The following ASB14 variants were observed in gnomAD, a reference collection of about 807,000 sequenced individuals.
ASB14 encodes the protein ankyrin repeat and SOCS box protein 14.
In ASB14, 63 loss-of-function variants were observed where a neutral mutation model predicts 55.6. That is an observed-to-expected ratio of 1.13 (90% CI 0.92 to 1.40). ASB14 has a LOEUF of 1.40. Among genes scored for constraint, ASB14 ranks in the 40% most tolerant of loss-of-function variants. The pLI is 0.00. For synonymous variants in ASB14, 256 were observed against 259.9 expected (o/e 0.98, Z 0.15); for missense variants, 724 against 710.4 (o/e 1.02, Z -0.22).
intron 6 of ASB14, among the ~76,000 whole-genome samples, chr3:57,282,715 T>C (rs2061049303): frequency 6.6e-6 from 1 of 152,210 alleles, no homozygotes; most frequent in African/African-American, 2.4e-5. Context: ...TTTAAGTTGC[T>C]TTCCCCTTCC....
chr3:57,284,088 C>CTGTGTG (rs1181255575), intron 5 of ASB14, among the ~76,000 whole-genome samples: 51 of 41,386 alleles, frequency 1.2e-3, no homozygotes, highest in South Asian at 4.6e-3. Context: ...CTTGGGAACA[C>CTGTGTG]TGTGTATGTG....
intron 5 of ASB14, among the ~76,000 whole-genome samples, chr3:57,287,465 C>A (rs1463371530): frequency 1.3e-5 from 2 of 152,116 alleles, no homozygotes; most frequent in Admixed American, 6.6e-5. Flanking sequence ...CCTAAAATTC[C>A]GTGGTCCAGA....
chr3:57,291,900 G>GA lies in ASB14; in HGVS notation c.122+11dup, dbSNP rs1466617480. ...ACACTTAATACTATATTGCCGATGA[G>GA]AAAACCATTACCTCTCATCCTTAGG... On this transcript the variant is annotated intron_variant, in intron 2 of 10. Coordinates refer to ENST00000487349, the MANE Select transcript of ASB14 (RefSeq NM_001142733.3). 1 of 1,526,428 alleles carries GA rather than the reference G, an allele frequency of 6.6e-7. No homozygotes were observed. Among genetic ancestry groups the GA allele is most frequent in the East Asian group, 2.5e-5 (1 of 40,776 alleles). The allele number at this position is 1,526,428 out of a possible 1,614,324, so 94.6% of individuals were successfully genotyped here.
At chr3:57,270,749 A>G (rs2060931960) in intron 10 of ASB14, 1 of 152,418 alleles carries the variant, frequency 6.6e-6, no homozygotes, top group African/African-American at 2.4e-5. Context: ...CAAATAACTA[A>G]TGTATGATAA....
At position 57,268,959 on chromosome 3, in the gene ASB14, G is replaced by A. The variant is rs1455708894; in HGVS notation, c.*682C>T. The A allele has an allele frequency of 6.5e-6, 1 of 152,920 alleles. No homozygotes were observed. The highest frequency in any genetic ancestry group is 1.5e-5 in the Non-Finnish European group (1 of 68,608). The allele number at this position is 152,920 out of a possible 1,614,324, so 9.5% of individuals were successfully genotyped here. A position where few individuals can be genotyped will look rare whatever the true frequency, so the allele number is the denominator to read the frequency against. On this transcript the variant is annotated 3_prime_UTR_variant, in exon 11 of 11. Coordinates refer to ENST00000487349, the MANE Select transcript of ASB14 (RefSeq NM_001142733.3). Reference sequence around the variant, plus strand: ...GCAAAACTTGAAGAATGCATTAAATGATCCATGAAATTGTAAGAGCGTGTT... The same window carrying A: ...GCAAAACTTGAAGAATGCATTAAATAATCCATGAAATTGTAAGAGCGTGTT...
At position 57,268,387 on chromosome 3, in the gene ASB14, C is replaced by T; in HGVS notation, c.*1254G>A. On this transcript the variant is annotated 3_prime_UTR_variant, in exon 11 of 11. Coordinates refer to ENST00000487349, the MANE Select transcript of ASB14 (RefSeq NM_001142733.3). ...TATTTAATTCATTAGTTTTATTCAT[C>T]TGTTCTTTAGGATCGTAGGGCATCA... The T allele has an allele frequency of 6.5e-7, 1 of 1,530,538 alleles. No homozygotes were observed. The highest frequency in any genetic ancestry group is 8.9e-7 in the Non-Finnish European group (1 of 1,123,270). 94.8% of individuals were successfully genotyped at this position (1,530,538 alleles called of 1,614,324 possible). A position where few individuals can be genotyped will look rare whatever the true frequency, so the allele number is the denominator to read the frequency against.
At chr3:57,287,542 C>G (rs1018072583) in intron 5 of ASB14, among the ~76,000 whole-genome samples, 2 of 152,204 alleles carry the variant, frequency 1.3e-5, no homozygotes, top group Non-Finnish European at 2.9e-5. Context: ...CAGGAATGAT[C>G]TAGAGATCTG....
rs901630712 is a variant in ASB14 at position 57,288,294 on chromosome 3, C to T, written c.179-8G>A. The T allele has an allele frequency of 3.3e-6, 5 of 1,536,774 alleles. No individual in the cohort carries two copies. Among genetic ancestry groups the T allele is most frequent in the Non-Finnish European group, 2.6e-6 (3 of 1,146,646 alleles). The stretch of plus-strand genomic sequence containing the variant: ...ACAATGCATCTTCCTTACCTATTAA[C>T]GAGTCAAATGAGAACAGATTCACAT... On this transcript the variant is annotated splice_region_variant and splice_polypyrimidine_tract_variant and intron_variant, in intron 3 of 10. Coordinates refer to ENST00000487349, the MANE Select transcript of ASB14 (RefSeq NM_001142733.3).
intron 7 of ASB14, 116 bp downstream of exon 7, chr3:57,280,186 A>AT: frequency 3.1e-6 from 2 of 636,782 alleles, no homozygotes; most frequent in Admixed American, 3.6e-5. Context: ...AAAAAAAAAA[A>AT]GTATGTTTAG....
At chr3:57,283,474 G>T in intron 5 of ASB14, 35 bp from the exon 6 acceptor site, 3 of 1,539,536 alleles carry the variant, frequency 1.9e-6, no homozygotes, top group Non-Finnish European at 2.6e-6. Context: ...CATGTTCAAC[G>T]GGAAGTTAAG....
chr3:57,286,695 C>T lies in ASB14; in HGVS notation c.469+1206G>A, dbSNP rs192221725. ...AAGACTAAGACTAGAAACAAAGTGC[C>T]GAGGGTATTGGGTCTTTTACGGTTC... On this transcript the variant is annotated intron_variant, in intron 5 of 10. Coordinates refer to ENST00000487349, the MANE Select transcript of ASB14 (RefSeq NM_001142733.3). 3.2e-3 allele frequency among the ~76,000 whole-genome samples: 493 copies of T among 152,238 alleles called. 1 individual carries two copies. Among genetic ancestry groups the T allele is most frequent in the Non-Finnish European group, 5.2e-3 (356 of 68,002 alleles).
Position 57,277,776 on chromosome 3 carries a change from A to G in ASB14, c.1576T>C (p.Phe526Leu), listed in dbSNP as rs758822112. The G allele has an allele frequency of 1.1e-5, 17 of 1,605,424 alleles. 1 individual carries two copies. The Admixed American group carries it at 3.0e-4, about 28-fold the overall frequency. Residue 526 changes from phenylalanine (F) to leucine (L), a missense_variant, in exon 9 of 11, where the codon TTT (phenylalanine) becomes CTT (leucine). Transcript: ENST00000487349. ...QKQGIWSEIH[F>L]ILTNPRSLKH... ...TGAGAAGGATACTTACTTAAGATAA[A>G]ATGTATTTCTGACCAGATCCCCTGT...
chr3:57,280,227 G>A (rs1018856605), intron 7 of ASB14, 75 bp downstream of exon 7: 12 of 584,830 alleles, frequency 2.1e-5, no homozygotes, highest in Admixed American at 7.6e-5. Flanking sequence ...AGATTATAAA[G>A]TTCCTAGAAG....
chr3:57,277,671 T>G, intron 9 of ASB14, 96 bp downstream of exon 9: 1 of 1,144,094 alleles, frequency 8.7e-7, no homozygotes, highest in Non-Finnish European at 1.2e-6. Flanking sequence ...AGTCAAGCTT[T>G]TAACCAGAAG....
intron 1 of ASB14, 132 bp from the exon 2 acceptor site, chr3:57,292,236 C>A: frequency 1.8e-6 from 1 of 550,468 alleles, no homozygotes; most frequent in Non-Finnish European, 2.8e-6. Context: ...TTGTGGACTG[C>A]CACAGATTCA....
At chr3:57,279,017 A>T in intron 7 of ASB14, 97 bp from the exon 8 acceptor site, 1 of 1,170,870 alleles carries the variant, frequency 8.5e-7, no homozygotes. Context: ...TAGTATCAGT[A>T]TTCAGGGGGC....
At chr3:57,271,338 T>C (rs2060938143) in intron 10 of ASB14, 1 of 152,628 alleles carries the variant, frequency 6.6e-6, no homozygotes. Flanking sequence ...ATGCTTTATG[T>C]TACCAAAACA....
chr3:57,290,411 A>T (rs1240116412), intron 2 of ASB14, among the ~76,000 whole-genome samples: 4 of 152,160 alleles, frequency 2.6e-5, no homozygotes, highest in Non-Finnish European at 5.9e-5. Flanking sequence ...TTCACACTTA[A>T]AGATCCTGTG....
At chr3:57,286,737 G>A (rs1208119559) in intron 5 of ASB14, among the ~76,000 whole-genome samples, 1 of 152,222 alleles carries the variant, frequency 6.6e-6, no homozygotes, top group Non-Finnish European at 1.5e-5. Flanking sequence ...CTGGCACTTA[G>A]TGTGGCCCTT....
Sources: allele counts gnomAD v4.1 joint callset (sites outside exome capture counted in the v4.1 genomes callset), GRCh38; gene constraint gnomAD v4.1.1; transcripts MANE v1.5; gene names NCBI Gene and HGNC (gene_info 2026-07-23, HGNC 2026-07-21).